CCDC3: variants seen among roughly 807,000 people sequenced by gnomAD.
The protein encoded by CCDC3 is coiled-coil domain containing 3, also known as coiled-coil domain-containing protein 3.
A neutral mutation model predicts 21.4 loss-of-function variants in CCDC3; 24 were observed. That is an observed-to-expected ratio of 1.12 (90% CI 0.81 to 1.58). The LOEUF (loss-of-function observed/expected upper bound fraction) is 1.58. Among genes scored for constraint, CCDC3 ranks in the 40% most tolerant of loss-of-function variants. The probability of loss-of-function intolerance (pLI) is 0.00; values close to 1 mark genes in which losing one functional copy is unlikely to be tolerated. For synonymous variants in CCDC3, 186 were observed against 166.0 expected (o/e 1.12, Z -0.93); for missense variants, 425 against 360.9 (o/e 1.18, Z -1.44).
chr10:12,917,958 G>GT, intron 2 of CCDC3, among the ~76,000 whole-genome samples: 1 of 152,280 alleles, frequency 6.6e-6, no homozygotes, highest in Middle Eastern at 3.4e-3. Flanking sequence ...TTGCCAAGTT[G>GT]TTTTTTAAAA....
At chr10:12,914,817 T>C (rs55796922) in intron 2 of CCDC3, among the ~76,000 whole-genome samples, 41,920 of 152,128 alleles carry the variant, frequency 0.28, 6,233 homozygotes, top group Admixed American at 0.38. Flanking sequence ...ACCAACTCTT[T>C]ATGTTGCTGA....
chr10:13,095,228 G>A (rs79071084), intron 3 of CCDC3, among the ~76,000 whole-genome samples: 1 of 152,132 alleles, frequency 6.6e-6, no homozygotes, highest in Non-Finnish European at 1.5e-5. Flanking sequence ...CTCATCCTCG[G>A]AATATTTGGA....
At chr10:12,950,848 G>C (rs1297186987) in intron 2 of CCDC3, among the ~76,000 whole-genome samples, 1 of 152,140 alleles carries the variant, frequency 6.6e-6, no homozygotes, top group Non-Finnish European at 1.5e-5. Context: ...GGGGGGCTTG[G>C]GGGTGGCTGC....
chr10:13,057,626 T>A (rs562431022), intron 4 of CCDC3, among the ~76,000 whole-genome samples: 8 of 152,268 alleles, frequency 5.3e-5, no homozygotes, highest in Admixed American at 2.0e-4. Flanking sequence ...ACACCTGTAA[T>A]CCCAGCACTT....
intron 4 of CCDC3, among the ~76,000 whole-genome samples, chr10:13,065,301 A>T (rs1471996777): frequency 6.6e-6 from 1 of 152,206 alleles, no homozygotes; most frequent in Non-Finnish European, 1.5e-5. Context: ...AGCTGGATGA[A>T]ATAGATATGG....
intron 2 of CCDC3, among the ~76,000 whole-genome samples, chr10:12,976,598 C>T (rs765357341): frequency 1.7e-4 from 26 of 152,302 alleles, no homozygotes; most frequent in African/African-American, 4.3e-4. Flanking sequence ...CTTTCACACA[C>T]GGTATCGTTA....
chr10:12,976,306 A>G (rs1294743356), intron 2 of CCDC3, among the ~76,000 whole-genome samples: 1 of 152,214 alleles, frequency 6.6e-6, no homozygotes, highest in East Asian at 1.9e-4. Context: ...TCATTCATTC[A>G]TTCACTCACA....
At chr10:12,916,445 A>C (rs1419750141) in intron 2 of CCDC3, among the ~76,000 whole-genome samples, 1 of 149,988 alleles carries the variant, frequency 6.7e-6, no homozygotes, top group Non-Finnish European at 1.5e-5. Flanking sequence ...AAAAAAAAAA[A>C]ATTGACAGCC....
Position 12,902,907 on chromosome 10 carries a change from G to C in CCDC3, c.550-4228C>G, listed in dbSNP as rs114841811. Among the ~76,000 whole-genome samples the C allele has an allele frequency of 1.0e-2, 1,519 of 152,292 alleles. 14 individuals carry two copies. The highest frequency in any genetic ancestry group is 0.027 in the African/African-American group (1,102 of 41,546). ...CAGAGGGACGCCTTGAAGTGCATCT[G>C]TGTGTGTATCCGGAGTGGGAGGATC... is the stretch of plus-strand genomic sequence containing the variant. On this transcript the variant is annotated intron_variant, in intron 2 of 2. Coordinates refer to ENST00000378825, the MANE Select transcript of CCDC3 (RefSeq NM_031455.4).
chr10:12,902,297 C>T (rs1834106853), intron 2 of CCDC3, among the ~76,000 whole-genome samples: 1 of 152,150 alleles, frequency 6.6e-6, no homozygotes, highest in Non-Finnish European at 1.5e-5. Flanking sequence ...GCAACACTGC[C>T]CTCTTCTGGC....
chr10:12,918,777 G>A (rs1335705050), intron 2 of CCDC3, among the ~76,000 whole-genome samples: 1 of 152,138 alleles, frequency 6.6e-6, no homozygotes, highest in African/African-American at 2.4e-5. Flanking sequence ...AAGTTGGCCG[G>A]GCACGGTGGC....
intron 4 of CCDC3, among the ~76,000 whole-genome samples, chr10:13,053,818 T>G (rs1644671686): frequency 6.6e-6 from 1 of 152,170 alleles, no homozygotes; most frequent in South Asian, 2.1e-4. Flanking sequence ...TAGTGTCATC[T>G]GGCACCATGT....
intron 2 of CCDC3, among the ~76,000 whole-genome samples, chr10:12,980,727 G>A (rs1208390589): frequency 6.6e-6 from 1 of 151,898 alleles, no homozygotes; most frequent in East Asian, 1.9e-4. Flanking sequence ...GATCCTATGA[G>A]CCTGTCATTC....
chr10:13,055,389 A>G (rs901782508), intron 4 of CCDC3, among the ~76,000 whole-genome samples: 3 of 151,222 alleles, frequency 2.0e-5, no homozygotes, highest in Non-Finnish European at 4.4e-5. Context: ...TGGAGTGCAG[A>G]GGTATGATCA....
intron 2 of CCDC3, among the ~76,000 whole-genome samples, chr10:12,944,489 C>T (rs531321582): frequency 7.9e-4 from 120 of 152,250 alleles, no homozygotes; most frequent in Admixed American, 2.7e-3. Flanking sequence ...TTTCCTGGGC[C>T]GAATCAATGT....
chr10:12,970,093 C>G (rs1281998126), intron 2 of CCDC3, among the ~76,000 whole-genome samples: 1 of 151,908 alleles, frequency 6.6e-6, no homozygotes, highest in Non-Finnish European at 1.5e-5. Flanking sequence ...AGGGTTTTTT[C>G]ATCAATGGTG....
chr10:13,068,064 C>T (rs928624332), intron 4 of CCDC3, among the ~76,000 whole-genome samples: 14 of 152,088 alleles, frequency 9.2e-5, no homozygotes, highest in Non-Finnish European at 2.9e-5. Flanking sequence ...GCATGGGACT[C>T]CTTGGGAAAA....
chr10:13,026,054 G>A (rs1034192275), intron 5 of CCDC3, among the ~76,000 whole-genome samples: 2 of 152,008 alleles, frequency 1.3e-5, no homozygotes, highest in African/African-American at 4.8e-5. Context: ...GGTGGCGTGT[G>A]CCTGTAATCC....
Position 13,087,647 on chromosome 10 carries a change from C to T in CCDC3, c.-503+10878G>A, listed in dbSNP as rs545861601. On this transcript the variant is annotated intron_variant, in intron 3 of 6. Transcript: ENST00000378839. ...GAGGTCCTAAGGGGTAGAAGTTTTC[C>T]TCCCTACTATAAAAGGATAAGCTAT... is the stretch of plus-strand genomic sequence containing the variant. Among the ~76,000 whole-genome samples the T allele has an allele frequency of 3.3e-5, 5 of 152,134 alleles. No homozygotes were observed. In the South Asian group the frequency reaches 1.0e-3, roughly 32 times the overall value.
Sources: allele counts gnomAD v4.1 joint callset (sites outside exome capture counted in the v4.1 genomes callset), GRCh38; gene constraint gnomAD v4.1.1; transcripts MANE v1.5; gene names NCBI Gene and HGNC (gene_info 2026-07-23, HGNC 2026-07-21).